Variants in UBE4B observed in about 807,000 individuals in gnomAD.
The protein encoded by UBE4B is ubiquitination factor E4B, also known as ubiquitin conjugation factor E4 B.
UBE4B carries 27 observed loss-of-function variants against 148.1 expected under a neutral mutation model. That is an observed-to-expected ratio of 0.18 (90% confidence interval 0.13 to 0.25). The LOEUF (loss-of-function observed/expected upper bound fraction) is 0.25, where lower values mean the gene tolerates loss of function less well. Ranked by LOEUF, UBE4B falls within the 10% of genes least tolerant of loss-of-function variation. UBE4B has a pLI of 1.00. For missense variants in UBE4B, 1,170 were observed against 1,662.4 expected (o/e 0.70, Z 5.15); for synonymous variants, 596 against 619.3 (o/e 0.96, Z 0.56).
At position 10,147,103 on chromosome 1, in the gene UBE4B, C is replaced by T. The variant is rs1481510507; in HGVS notation, c.2591+13C>T. On this transcript the variant is annotated intron_variant, in intron 19 of 27. Coordinates refer to ENST00000343090, the MANE Select transcript of UBE4B (RefSeq NM_001105562.3). ...CCGCATATCCCGAGTGAGTGTGCTT[C>T]TTCCTGTTTCCCTTGTCCCTCCTTG... 6.2e-7 allele frequency: 1 copy of T among 1,613,968 alleles called. No homozygotes were observed. The highest frequency in any genetic ancestry group is 1.3e-5 in the African/African-American group (1 of 74,934).
In UBE4B at chr1:10,106,619, C is replaced by T. The variant is rs1473214811; in HGVS notation, c.1196+36C>T. On this transcript the variant is annotated intron_variant, in intron 7 of 27. Transcript: ENST00000343090. The surrounding 1 kb of genome is among the most constrained non-coding windows in gnomAD (Gnocchi z 4.2). ...CACAGGAGAGTTGCATGTGTGTTTG[C>T]GGTGCAGGGAAAGGAGATTAACACG... 1.1e-5 allele frequency: 16 copies of T among 1,496,736 alleles called. No homozygotes were observed. The highest frequency in any genetic ancestry group is 1.9e-4 in the Middle Eastern group (1 of 5,376). The allele number at this position is 1,496,736 out of a possible 1,614,324, so 92.7% of individuals were successfully genotyped here.
In UBE4B at chr1:10,051,840, G is replaced by GA. The variant is rs148182646; in HGVS notation, c.24+18150dup. ...AATTGTACCCCTCCCAGCAGGGGGA[G>GA]AAAATCTCTGAATTGGATGTCATTG... On this transcript the variant is annotated intron_variant, in intron 1 of 27. Coordinates refer to ENST00000343090, the MANE Select transcript of UBE4B (RefSeq NM_001105562.3). Among the ~76,000 whole-genome samples the GA allele has an allele frequency of 1.3e-3, 192 of 152,296 alleles. 3 individuals are homozygous for GA. The East Asian group carries it at 0.036, about 29-fold the overall frequency.
rs183269897 is a variant in UBE4B, at chr1:10,169,116, A to G, written c.3333+846A>G. Among the ~76,000 whole-genome samples the G allele has an allele frequency of 4.6e-5, 7 of 152,172 alleles. No homozygotes were observed. In the East Asian group the frequency reaches 1.4e-3, roughly 29 times the overall value. The stretch of plus-strand genomic sequence containing the variant: ...TCTCAACTAGTAAGACCTGGTTCCT[A>G]TTTCTAAAATTGAAACTGAGCAGCA... On this transcript the variant is annotated intron_variant, in intron 24 of 27. Transcript: ENST00000343090.
rs1287869794 is a variant in UBE4B at position 10,180,822 on chromosome 1, G to A, written c.*866G>A. On this transcript the variant is annotated 3_prime_UTR_variant, in exon 28 of 28. Coordinates refer to ENST00000343090, the MANE Select transcript of UBE4B (RefSeq NM_001105562.3). ...TTGGGTTTTTTTTTTAATGCTACGT[G>A]ACAGTTTGAAACCTTCACAGTTATC... is the stretch of plus-strand genomic sequence containing the variant. 1 of 152,020 alleles carries A rather than the reference G, an allele frequency of 6.6e-6. No individual in the cohort carries two copies. Among genetic ancestry groups the A allele is most frequent in the East Asian group, 1.9e-4 (1 of 5,180 alleles). The allele number at this position is 152,020 out of a possible 1,614,324, so 9.4% of individuals were successfully genotyped here. A position where few individuals can be genotyped will look rare whatever the true frequency, so the allele number is the denominator to read the frequency against.
At chr1:10,116,951 TCTC>T (rs1645320774) in intron 7 of UBE4B, among the ~76,000 whole-genome samples, 3 of 152,340 alleles carry the variant, frequency 2.0e-5, no homozygotes, top group South Asian at 2.1e-4. Context: ...TATGTTCATG[TCTC>T]CTCCTAACTG....
intron 1 of UBE4B, chr1:10,059,238 A>G (rs1314799249): frequency 1.3e-5 from 2 of 152,450 alleles, no homozygotes; most frequent in Non-Finnish European, 2.9e-5. Context: ...CTTAAAAACA[A>G]CAGCAACAAC....
intron 17 of UBE4B, 74 bp downstream of exon 17, chr1:10,137,279 GA>G (rs1468511440): frequency 6.3e-7 from 1 of 1,586,276 alleles, no homozygotes; most frequent in Non-Finnish European, 8.6e-7. Flanking sequence ...ATTCCATTGT[GA>G]ACAGTAGTTT....
intron 16 of UBE4B, 58 bp downstream of exon 16, chr1:10,135,244 G>A: frequency 1.3e-6 from 2 of 1,488,372 alleles, no homozygotes; most frequent in African/African-American, 1.4e-5. Flanking sequence ...CTGTGTGCTA[G>A]TAGTTCCTCA....
rs764041858 is a variant in UBE4B at position 10,135,233 on chromosome 1, T to A, written c.2224+47T>A. On this transcript the variant is annotated intron_variant, in intron 16 of 27. Coordinates refer to ENST00000343090, the MANE Select transcript of UBE4B (RefSeq NM_001105562.3). The stretch of plus-strand genomic sequence containing the variant: ...CGGTCATTAAAACACTGCCCTCTTG[T>A]CTGTGTGCTAGTAGTTCCTCACAGA... 7 of 1,540,348 alleles carry A rather than the reference T, an allele frequency of 4.5e-6. No homozygotes were observed. In the African/African-American group the frequency reaches 6.8e-5, roughly 15 times the overall value.
At chr1:10,179,002 T>C in intron 26 of UBE4B, 184 bp downstream of exon 26, 1 of 637,216 alleles carries the variant, frequency 1.6e-6, no homozygotes, top group Non-Finnish European at 2.4e-6. Flanking sequence ...GGAAGAAACA[T>C]CCTTAGCTTA....
Position 10,033,635 on chromosome 1 carries a change from C to T in UBE4B, c.-36C>T. 6.5e-7 allele frequency: 1 copy of T among 1,533,360 alleles called. No individual in the cohort carries two copies. The highest frequency in any genetic ancestry group is 8.8e-7 in the Non-Finnish European group (1 of 1,139,142). 95.0% of individuals were successfully genotyped at this position (1,533,360 alleles called of 1,614,324 possible). On this transcript the variant is annotated 5_prime_UTR_variant, in exon 1 of 28. Transcript: ENST00000343090. ...GCCGTGGTCTCGAGAACAGAAGGATCTCTCCTTAACGCCTTTCACCATTAA... is the reference window on the plus strand; with the variant it reads ...GCCGTGGTCTCGAGAACAGAAGGATTTCTCCTTAACGCCTTTCACCATTAA...
At chr1:10,073,704 G>A (rs998473781) in intron 2 of UBE4B, among the ~76,000 whole-genome samples, 5 of 151,974 alleles carry the variant, frequency 3.3e-5, no homozygotes, top group South Asian at 2.1e-4. Context: ...TGGTGATGGC[G>A]TGAGATTCTG....
chr1:10,159,447 C>T (rs918299070), intron 22 of UBE4B, among the ~76,000 whole-genome samples: 2 of 152,144 alleles, frequency 1.3e-5, no homozygotes, highest in African/African-American at 4.8e-5. Context: ...CCGAGCAGGG[C>T]GGATCAGGAG....
intron 3 of UBE4B, among the ~76,000 whole-genome samples, chr1:10,100,196 A>G (rs10864442): frequency 1.5e-4 from 23 of 152,044 alleles, no homozygotes; most frequent in African/African-American, 4.6e-4. Context: ...TCACCATGTT[A>G]GCCAGGATGG....
intron 1 of UBE4B, among the ~76,000 whole-genome samples, chr1:10,052,366 C>T (rs1644066773): frequency 6.6e-6 from 1 of 152,116 alleles, no homozygotes. Context: ...GCCACTGGGC[C>T]TGGTCAGTGG....
At position 10,161,338 on chromosome 1, in the gene UBE4B, C is replaced by A; in HGVS notation, c.3198+52C>A. 6.3e-7 allele frequency: 1 copy of A among 1,592,242 alleles called. No homozygotes were observed. The highest frequency in any genetic ancestry group is 1.1e-5 in the South Asian group (1 of 89,102). ...CAGCTTTGCAGGCCATCTGCCTCCA[C>A]ACACGGGCAGAGCTGCTTTGGGGCT... On this transcript the variant is annotated intron_variant, in intron 23 of 27. Coordinates refer to ENST00000343090, the MANE Select transcript of UBE4B (RefSeq NM_001105562.3). The surrounding 1 kb of genome is among the most constrained non-coding windows in gnomAD (Gnocchi z 4.1).
chr1:10,071,877 T>TG (rs1320126106), intron 1 of UBE4B, 151 bp from the exon 2 acceptor site: 2 of 757,988 alleles, frequency 2.6e-6, no homozygotes, highest in Non-Finnish European at 3.9e-6. Flanking sequence ...GTAGGAATAC[T>TG]GGTAGAGCGA....
chr1:10,083,271 C>G (rs562838607), intron 2 of UBE4B, among the ~76,000 whole-genome samples: 1 of 152,238 alleles, frequency 6.6e-6, no homozygotes, highest in South Asian at 2.1e-4. Context: ...ATCTGTGGGG[C>G]AATCTTTGCA....
chr1:10,141,688 G>A (rs1294249113), intron 17 of UBE4B, among the ~76,000 whole-genome samples: 2 of 152,140 alleles, frequency 1.3e-5, no homozygotes, highest in Non-Finnish European at 2.9e-5. Context: ...TCTAGCTGTG[G>A]TTCTGGAAGC....
Sources: allele counts gnomAD v4.1 joint callset (sites outside exome capture counted in the v4.1 genomes callset), GRCh38; gene constraint gnomAD v4.1.1; non-coding constraint Gnocchi (gnomAD v3.1); transcripts MANE v1.5; gene names NCBI Gene and HGNC (gene_info 2026-07-23, HGNC 2026-07-21).